Variants in STK39 observed in about 807,000 individuals in gnomAD.
The protein encoded by STK39 is STE20/SPS1-related proline-alanine-rich protein kinase.
A neutral mutation model predicts 77.8 loss-of-function variants in STK39; 20 were observed. The ratio of observed to expected loss-of-function variants is 0.26; its 90% CI spans 0.18 to 0.37. The LOEUF is 0.37. Among genes scored for constraint, STK39 ranks in the 10% least tolerant of loss-of-function variants. The probability of loss-of-function intolerance (pLI) is 1.00; values close to 1 mark genes in which losing one functional copy is unlikely to be tolerated. For synonymous variants in STK39, 246 were observed against 234.1 expected, an observed-to-expected ratio of 1.05 and a Z score of -0.47; for missense variants, 479 against 656.5, an observed-to-expected ratio of 0.73 and a Z score of 2.95.
chr2:168,193,411 A>T (rs1416761382), intron 1 of STK39, among the ~76,000 whole-genome samples: 1 of 152,230 alleles, frequency 6.6e-6, no homozygotes, highest in Non-Finnish European at 1.5e-5. Context: ...GCAGGAACAC[A>T]AATGTCCAGT....
At chr2:168,243,595 C>G (rs1170609699) in intron 1 of STK39, among the ~76,000 whole-genome samples, 1 of 152,138 alleles carries the variant, frequency 6.6e-6, no homozygotes, top group African/African-American at 2.4e-5. Flanking sequence ...CAAACAAACT[C>G]CTGCTGAGGC....
chr2:168,197,703 G>A (rs1374024045), intron 1 of STK39, among the ~76,000 whole-genome samples: 2 of 152,048 alleles, frequency 1.3e-5, no homozygotes, highest in Non-Finnish European at 2.9e-5. Flanking sequence ...TCTTTTCCTT[G>A]TAAAGGCTTA....
At chr2:168,042,682 G>A (rs1359256281) in intron 14 of STK39, among the ~76,000 whole-genome samples, 1 of 151,084 alleles carries the variant, frequency 6.6e-6, no homozygotes, top group Non-Finnish European at 1.5e-5. Flanking sequence ...TTGGGTGCAA[G>A]CAGTTCTCTG....
chr2:168,005,861 T>C (rs545764898), intron 16 of STK39, among the ~76,000 whole-genome samples: 12 of 152,318 alleles, frequency 7.9e-5, no homozygotes. Flanking sequence ...TGATTCTTCA[T>C]GTGCAGGAAA....
At chr2:168,215,661 C>T (rs1436623568) in intron 1 of STK39, among the ~76,000 whole-genome samples, 3 of 152,026 alleles carry the variant, frequency 2.0e-5, no homozygotes, top group African/African-American at 4.8e-5. Context: ...TAATTAGTCA[C>T]GAATGTCAGT....
At chr2:167,996,542 C>T (rs893233275) in intron 16 of STK39, among the ~76,000 whole-genome samples, 5 of 152,190 alleles carry the variant, frequency 3.3e-5, no homozygotes, top group South Asian at 2.1e-4. Flanking sequence ...CCAGGCATCA[C>T]GGGTACATTC....
At chr2:168,013,183 T>C (rs187121137) in intron 15 of STK39, among the ~76,000 whole-genome samples, 20 of 152,334 alleles carry the variant, frequency 1.3e-4, no homozygotes, top group Non-Finnish European at 2.4e-4. Flanking sequence ...ACTATTAAGA[T>C]GAGCAATTTA....
chr2:168,163,917 C>T (rs776191653), intron 3 of STK39, 37 bp from the exon 4 acceptor site: 2 of 1,599,264 alleles, frequency 1.3e-6, no homozygotes, highest in South Asian at 2.2e-5. Context: ...ACATAAGCAC[C>T]TTCATCACCT....
chr2:167,975,890 G>C (rs1308564798), intron 16 of STK39, among the ~76,000 whole-genome samples: 1 of 152,150 alleles, frequency 6.6e-6, no homozygotes, highest in African/African-American at 2.4e-5. Flanking sequence ...ATAGGAAAAA[G>C]GCCCCATCGC....
rs150005075 is a variant in STK39 at position 168,115,509 on chromosome 2, T to C, written c.1089+14032A>G. On this transcript the variant is annotated intron_variant, in intron 10 of 17. Transcript: ENST00000355999. Reference sequence around the variant, plus strand: ...CTATGTAATAATGCAAGTACAATGATGTTCATCCCAGTGTGGTTAACGATT... The same window carrying C: ...CTATGTAATAATGCAAGTACAATGACGTTCATCCCAGTGTGGTTAACGATT... Among the ~76,000 whole-genome samples, 972 of 152,380 alleles carry C rather than the reference T, an allele frequency of 6.4e-3. 12 individuals carry two copies. The highest frequency in any genetic ancestry group is 0.023 in the African/African-American group (940 of 41,596).
intron 10 of STK39, among the ~76,000 whole-genome samples, chr2:168,117,434 A>C (rs892385740): frequency 3.9e-5 from 6 of 152,190 alleles, no homozygotes; most frequent in Non-Finnish European, 8.8e-5. Context: ...GAGAACACAG[A>C]GATAAAAGGA....
chr2:168,135,486 G>C (rs1464545465), intron 8 of STK39, among the ~76,000 whole-genome samples: 1 of 152,196 alleles, frequency 6.6e-6, no homozygotes, highest in Non-Finnish European at 1.5e-5. Flanking sequence ...GTAACTCTAG[G>C]AGGATGTGGC....
At chr2:168,228,136 GA>G (rs1245096561) in intron 1 of STK39, among the ~76,000 whole-genome samples, 1 of 152,146 alleles carries the variant, frequency 6.6e-6, no homozygotes, top group African/African-American at 2.4e-5. Context: ...TTAAGTATGA[GA>G]AAAAATACAC....
intron 14 of STK39, among the ~76,000 whole-genome samples, chr2:168,062,441 C>T (rs1170336590): frequency 6.6e-6 from 1 of 152,200 alleles, no homozygotes; most frequent in Non-Finnish European, 1.5e-5. Flanking sequence ...AGGAAAACAG[C>T]CTTGTGATAA....
intron 12 of STK39, among the ~76,000 whole-genome samples, chr2:168,071,035 C>T (rs541118150): frequency 1.3e-5 from 2 of 152,298 alleles, no homozygotes; most frequent in South Asian, 2.1e-4. Flanking sequence ...TTGATTAATA[C>T]TGTAATACTT....
chr2:168,027,166 T>G (rs12614314), intron 14 of STK39, among the ~76,000 whole-genome samples: 34,089 of 152,012 alleles, frequency 0.22, 4,294 homozygotes, highest in East Asian at 0.35. Flanking sequence ...TGAGAACCAC[T>G]GCTGAACCTA....
chr2:168,137,955 C>G (rs1574494855), intron 8 of STK39, 133 bp downstream of exon 8: 1 of 1,271,176 alleles, frequency 7.9e-7, no homozygotes, highest in Admixed American at 2.6e-5. Context: ...GGTTGGAAAT[C>G]TGGGGACCAC....
intron 2 of STK39, among the ~76,000 whole-genome samples, chr2:168,179,139 T>G (rs1689021557): frequency 6.6e-6 from 1 of 152,164 alleles, no homozygotes; most frequent in African/African-American, 2.4e-5. Flanking sequence ...GGTTTCCAGT[T>G]AACACATGGC....
At chr2:168,012,762 T>C (rs1453622476) in intron 15 of STK39, 60 bp from the exon 16 acceptor site, 3 of 1,408,446 alleles carry the variant, frequency 2.1e-6, no homozygotes, top group South Asian at 1.3e-5. Context: ...AACAACCCAG[T>C]ACAATGTAAA....
Sources: gnomAD v4.1 joint callset for allele counts (sites outside exome capture counted in the v4.1 genomes callset) on GRCh38, gnomAD v4.1.1 for gene constraint, MANE v1.5 for transcripts, NCBI Gene and HGNC (gene_info 2026-07-23, HGNC 2026-07-21) for gene names.